Variants in PNPT1 observed in about 807,000 individuals in gnomAD.
The protein encoded by PNPT1 is polyribonucleotide nucleotidyltransferase 1, mitochondrial.
A neutral mutation model predicts 119.5 loss-of-function variants in PNPT1; 53 were observed. The ratio of observed to expected loss-of-function variants is 0.44; its 90% CI spans 0.36 to 0.56. PNPT1 has a LOEUF of 0.56. Among genes scored for constraint, PNPT1 ranks in the 20% least tolerant of loss-of-function variants. The pLI is 0.00. For missense variants in PNPT1, 948 were observed against 938.5 expected, an observed-to-expected ratio of 1.01 and a Z score of -0.13; for synonymous variants, 357 against 322.1, an observed-to-expected ratio of 1.11 and a Z score of -1.16.
chr2:55,688,680 GTGCCAA>G (rs1428056610), intron 1 of PNPT1, among the ~76,000 whole-genome samples: 2 of 151,988 alleles, frequency 1.3e-5, no homozygotes, highest in Non-Finnish European at 2.9e-5. Context: ...AGCCGAGATT[GTGCCAA>G]TGCAGTCCAG....
At chr2:55,691,691 T>A (rs937751334) in intron 1 of PNPT1, among the ~76,000 whole-genome samples, 1 of 151,954 alleles carries the variant, frequency 6.6e-6, no homozygotes, top group African/African-American at 2.4e-5. Context: ...CTTTGAAGCA[T>A]GTGTAGTCCT....
chr2:55,672,127 T>C (rs576038622), intron 9 of PNPT1, 81 bp from the exon 10 acceptor site: 3 of 1,047,348 alleles, frequency 2.9e-6, no homozygotes, highest in East Asian at 2.5e-5. Context: ...AACTGAAATA[T>C]TTAATAATAA....
intron 8 of PNPT1, among the ~76,000 whole-genome samples, chr2:55,676,829 T>A (rs1306668231): frequency 6.8e-6 from 1 of 146,336 alleles, no homozygotes; most frequent in Non-Finnish European, 1.5e-5. Context: ...GCCACTGTAC[T>A]CCAGCCTCGG....
In PNPT1 at chr2:55,647,217, G is replaced by T. The variant is rs547469833; in HGVS notation, c.1602+130C>A. The T allele has an allele frequency of 4.7e-5, 29 of 621,202 alleles. No homozygotes were observed. In the East Asian group the frequency reaches 7.3e-4, roughly 16 times the overall value. The allele number at this position is 621,202 out of a possible 1,614,324, so 38.5% of individuals were successfully genotyped here. On this transcript the variant is annotated intron_variant, in intron 19 of 27. Transcript: ENST00000447944. Reference sequence around the variant, plus strand: ...ACAAGTACCTGTTCTTCAAATACTAGCATTCTTCTAAGCATACGCTAGGTG... The same window carrying T: ...ACAAGTACCTGTTCTTCAAATACTATCATTCTTCTAAGCATACGCTAGGTG...
At chr2:55,683,219 C>T (rs1233611226) in intron 5 of PNPT1, among the ~76,000 whole-genome samples, 4 of 152,176 alleles carry the variant, frequency 2.6e-5, no homozygotes, top group Non-Finnish European at 5.9e-5. Context: ...TTTCCTGCCT[C>T]TGGGCTTTCA....
At chr2:55,681,804 A>G (rs1465356258) in intron 5 of PNPT1, among the ~76,000 whole-genome samples, 1 of 140,572 alleles carries the variant, frequency 7.1e-6, no homozygotes, top group Non-Finnish European at 1.5e-5. Flanking sequence ...AGATCGCGCC[A>G]TTGGTCTCCA....
At chr2:55,647,839 G>GT (rs1337431333) in intron 18 of PNPT1, among the ~76,000 whole-genome samples, 2 of 152,104 alleles carry the variant, frequency 1.3e-5, no homozygotes, top group Admixed American at 6.6e-5. Flanking sequence ...TACTTTTAAT[G>GT]TAAGTGGATA....
chr2:55,668,004 G>C, intron 11 of PNPT1, 46 bp from the exon 12 acceptor site: 3 of 1,489,150 alleles, frequency 2.0e-6, no homozygotes, highest in Non-Finnish European at 2.7e-6. Context: ...ACTTTTTTAG[G>C]AGATAGGATT....
chr2:55,661,846 C>T, intron 14 of PNPT1, 110 bp downstream of exon 14: 1 of 1,071,784 alleles, frequency 9.3e-7, no homozygotes, highest in Non-Finnish European at 1.3e-6. Flanking sequence ...AAATGAAGTA[C>T]AAAAACACAG....
chr2:55,678,586 G>A (rs1053891072), intron 8 of PNPT1, among the ~76,000 whole-genome samples: 1 of 152,104 alleles, frequency 6.6e-6, no homozygotes, highest in Non-Finnish European at 1.5e-5. Flanking sequence ...AGCTCTTCAT[G>A]CCAGTTCATA....
chr2:55,647,017 A>G (rs1388022104), intron 19 of PNPT1, among the ~76,000 whole-genome samples: 1 of 152,140 alleles, frequency 6.6e-6, no homozygotes, highest in Non-Finnish European at 1.5e-5. Flanking sequence ...TTGTATTTTT[A>G]GTAGAGATGG....
chr2:55,657,230 G>C (rs1020807358), intron 15 of PNPT1, among the ~76,000 whole-genome samples: 1 of 151,730 alleles, frequency 6.6e-6, no homozygotes, highest in South Asian at 2.1e-4. Flanking sequence ...TCATGAGGCT[G>C]AGGCACAAGA....
intron 18 of PNPT1, among the ~76,000 whole-genome samples, chr2:55,650,720 C>A (rs1384778647): frequency 1.3e-5 from 2 of 151,446 alleles, no homozygotes; most frequent in Non-Finnish European, 1.5e-5. Flanking sequence ...CCGGCCGCCC[C>A]GTCTGAGAAG....
intron 13 of PNPT1, among the ~76,000 whole-genome samples, chr2:55,663,797 T>C (rs1176805909): frequency 6.6e-6 from 1 of 151,704 alleles, no homozygotes; most frequent in Non-Finnish European, 1.5e-5. Context: ...GCTAACATGG[T>C]GAAACCCCGT....
intron 14 of PNPT1, 152 bp from the exon 15 acceptor site, chr2:55,660,345 A>G (rs1696526110): frequency 3.8e-6 from 3 of 798,546 alleles, no homozygotes; most frequent in Non-Finnish European, 5.5e-6. Context: ...ATTAATTAGA[A>G]GGATGATTGT....
chr2:55,644,217 G>A (rs956540240), intron 23 of PNPT1, among the ~76,000 whole-genome samples: 4 of 152,072 alleles, frequency 2.6e-5, no homozygotes, highest in African/African-American at 7.2e-5. Flanking sequence ...CTTGAAGTAC[G>A]AGGTAATTCA....
chr2:55,651,392 AGG>A (rs1308975207), intron 18 of PNPT1, among the ~76,000 whole-genome samples: 4 of 152,088 alleles, frequency 2.6e-5, no homozygotes, highest in Admixed American at 6.5e-5. Context: ...GTGTAGAAAG[AGG>A]TAGACGTGGG....
chr2:55,662,166 A>G (rs1696598917), intron 13 of PNPT1, 140 bp from the exon 14 acceptor site: 1 of 606,878 alleles, frequency 1.6e-6, no homozygotes, highest in Non-Finnish European at 2.6e-6. Context: ...TACTAACTGC[A>G]TTAAACACTT....
At position 55,661,947 on chromosome 2, in the gene PNPT1, A is replaced by G. The variant is rs372675961; in HGVS notation, c.1247+9T>C. ...AAAACGTAACAAACATCTTAAAAAC[A>G]TAACTTACTTTATAGCTGTTATAAC... On this transcript the variant is annotated intron_variant, in intron 14 of 27. Coordinates refer to ENST00000447944, the MANE Select transcript of PNPT1 (RefSeq NM_033109.5). 2.1e-5 allele frequency: 32 copies of G among 1,551,220 alleles called. 1 individual carries two copies. In the African/African-American group the frequency reaches 3.1e-4, roughly 15 times the overall value.
Sources: gnomAD v4.1 joint callset for allele counts (sites outside exome capture counted in the v4.1 genomes callset) on GRCh38, gnomAD v4.1.1 for gene constraint, MANE v1.5 for transcripts, NCBI Gene and HGNC (gene_info 2026-07-23, HGNC 2026-07-21) for gene names.